ZFHX3: variants seen among roughly 807,000 people sequenced by gnomAD.
ZFHX3 encodes the protein zinc finger homeobox protein 3.
ZFHX3 carries 42 observed loss-of-function variants against 279.1 expected under a neutral mutation model. The observed-to-expected ratio is 0.15, with a 90% CI of 0.12 to 0.19. The LOEUF is 0.19. Among genes scored for constraint, ZFHX3 ranks in the 10% least tolerant of loss-of-function variants. The probability of loss-of-function intolerance (pLI) is 1.00; values close to 1 mark genes in which losing one functional copy is unlikely to be tolerated. For synonymous variants in ZFHX3, 2,293 were observed against 1,957.8 expected (o/e 1.17, Z -4.52); for missense variants, 4,981 against 4,754.0 (o/e 1.05, Z -1.40).
At chr16:73,273,037 G>C (rs944314192) in intron 4 of ZFHX3, among the ~76,000 whole-genome samples, 2 of 152,034 alleles carry the variant, frequency 1.3e-5, no homozygotes, top group African/African-American at 2.4e-5. Context: ...GTGAGCCACC[G>C]TGCCCAGCCA....
chr16:73,227,322 T>G (rs915551002), intron 5 of ZFHX3, among the ~76,000 whole-genome samples: 1 of 152,308 alleles, frequency 6.6e-6, no homozygotes, highest in African/African-American at 2.4e-5. Flanking sequence ...GAGATGACGC[T>G]GATTTATTAA....
chr16:73,599,664 T>C (rs2052090016), intron 2 of ZFHX3, among the ~76,000 whole-genome samples: 1 of 151,430 alleles, frequency 6.6e-6, no homozygotes, highest in African/African-American at 2.4e-5. Context: ...TCAAAAATGA[T>C]GGCAGCTGAT....
chr16:72,883,011 T>TAGC (rs2038530230), intron 4 of ZFHX3, among the ~76,000 whole-genome samples: 1 of 144,380 alleles, frequency 6.9e-6, no homozygotes, highest in Non-Finnish European at 1.5e-5. Flanking sequence ...TGTGTGTGTG[T>TAGC]GTGTGTGTGT....
chr16:73,868,330 T>A (rs561189129), intron 1 of ZFHX3, among the ~76,000 whole-genome samples: 3 of 152,154 alleles, frequency 2.0e-5, no homozygotes, highest in African/African-American at 7.2e-5. Flanking sequence ...AAGACCAGCC[T>A]GGCCAACATG....
chr16:73,363,067 A>G (rs530215298), intron 3 of ZFHX3, among the ~76,000 whole-genome samples: 1 of 152,314 alleles, frequency 6.6e-6, no homozygotes, highest in African/African-American at 2.4e-5. Flanking sequence ...TCAGCCGTAG[A>G]GGACAGCACA....
chr16:73,234,871 G>A (rs1348121176), intron 5 of ZFHX3, among the ~76,000 whole-genome samples: 1 of 152,136 alleles, frequency 6.6e-6, no homozygotes, highest in Non-Finnish European at 1.5e-5. Context: ...CTTTTGGGCT[G>A]TGCATTAGGC....
At chr16:73,421,348 G>C (rs2017715213) in intron 3 of ZFHX3, 1 of 152,178 alleles carries the variant, frequency 6.6e-6, no homozygotes, top group Non-Finnish European at 1.5e-5. Flanking sequence ...AACACTATTT[G>C]TACATTCACA....
At chr16:72,991,919 C>A (rs765526932) in intron 1 of ZFHX3, among the ~76,000 whole-genome samples, 2 of 152,190 alleles carry the variant, frequency 1.3e-5, no homozygotes, top group African/African-American at 2.4e-5. Flanking sequence ...ATTCCTCAGA[C>A]ACAATTGCTC....
rs35080897 is a variant in ZFHX3, at chr16:73,606,180, TAAAAAAAAAAAAAA to T, written c.-1547+73986_-1547+73999del. Among the ~76,000 whole-genome samples the T allele has an allele frequency of 1.1e-3, 39 of 35,212 alleles. 1 individual carries two copies. The South Asian group carries it at 0.043, about 39-fold the overall frequency. The allele number at this position is 35,212 out of a possible 152,430, so 23.1% of individuals were successfully genotyped here. On this transcript the variant is annotated intron_variant, in intron 2 of 17. Coordinates refer to the ZFHX3 transcript ENST00000641206. ...CTGGGGGATTGAGCTAGGCTCCATC[TAAAAAAAAAAAAAA>T]AAAAAAAAAAAAAAAAAAAAAAATC...
At chr16:73,469,995 C>T (rs4888346) in intron 2 of ZFHX3, among the ~76,000 whole-genome samples, 25,358 of 152,048 alleles carry the variant, frequency 0.17, 2,401 homozygotes, top group East Asian at 0.4. Context: ...TTCTAATGTG[C>T]GGAAAAGCTG....
chr16:73,797,625 G>T (rs1206838712), intron 1 of ZFHX3, among the ~76,000 whole-genome samples: 1 of 132,390 alleles, frequency 7.6e-6, no homozygotes, highest in Admixed American at 7.5e-5. Context: ...CACGGTAGAG[G>T]CAGGGGCTGG....
intron 4 of ZFHX3, among the ~76,000 whole-genome samples, chr16:73,287,074 CTGTGTGGG>C (rs2014628738): frequency 1.1e-5 from 1 of 94,366 alleles, no homozygotes; most frequent in Non-Finnish European, 2.1e-5. Flanking sequence ...CAGTGTGTGG[CTGTGTGGG>C]TGTGTGGGTA....
At chr16:72,942,396 G>A (rs186861604) in intron 3 of ZFHX3, among the ~76,000 whole-genome samples, 9 of 152,258 alleles carry the variant, frequency 5.9e-5, no homozygotes, top group South Asian at 2.1e-4. Flanking sequence ...AGAATTCCAC[G>A]GTGTGACTTA....
At chr16:73,578,856 T>C (rs1036793437) in intron 2 of ZFHX3, among the ~76,000 whole-genome samples, 3 of 152,234 alleles carry the variant, frequency 2.0e-5, no homozygotes, top group African/African-American at 4.8e-5. Flanking sequence ...TTTATGTCTA[T>C]GTAAACCAAA....
intron 5 of ZFHX3, among the ~76,000 whole-genome samples, chr16:73,146,076 C>G (rs1035574776): frequency 6.6e-6 from 1 of 151,964 alleles, no homozygotes; most frequent in Non-Finnish European, 1.5e-5. Context: ...CAAAATTTCC[C>G]AAGATAGTAT....
intron 1 of ZFHX3, among the ~76,000 whole-genome samples, chr16:73,802,768 ATAT>A (rs1255455879): frequency 6.6e-6 from 1 of 152,204 alleles, no homozygotes; most frequent in African/African-American, 2.4e-5. Flanking sequence ...AAGCAGGTAT[ATAT>A]TATATTTTAT....
intron 1 of ZFHX3, among the ~76,000 whole-genome samples, chr16:73,844,085 C>T (rs1428347213): frequency 6.6e-6 from 1 of 152,166 alleles, no homozygotes; most frequent in Non-Finnish European, 1.5e-5. Context: ...TGAAATATTA[C>T]CTGGTGCAGT....
At chr16:73,781,238 T>G (rs1959458869) in intron 1 of ZFHX3, among the ~76,000 whole-genome samples, 1 of 152,236 alleles carries the variant, frequency 6.6e-6, no homozygotes, top group South Asian at 2.1e-4. Context: ...GTGAGATCCA[T>G]GATTCTCAAA....
At chr16:73,863,160 C>T (rs926059837) in intron 1 of ZFHX3, among the ~76,000 whole-genome samples, 1 of 152,142 alleles carries the variant, frequency 6.6e-6, no homozygotes, top group Non-Finnish European at 1.5e-5. Flanking sequence ...GAGCGGAGAT[C>T]GTGCCAATGC....
Sources: gnomAD v4.1 joint callset for allele counts (sites outside exome capture counted in the v4.1 genomes callset) on GRCh38, gnomAD v4.1.1 for gene constraint, MANE v1.5 for transcripts, NCBI Gene and HGNC (gene_info 2026-07-23, HGNC 2026-07-21) for gene names.